Variants in ABTB2 observed in about 807,000 individuals in gnomAD.
ABTB2 encodes ankyrin repeat and BTB domain containing 2, also known as ankyrin repeat and BTB/POZ domain-containing protein 2.
A neutral mutation model predicts 104.1 loss-of-function variants in ABTB2; 56 were observed. The ratio of observed to expected loss-of-function variants is 0.54; its 90% CI spans 0.43 to 0.67. The LOEUF (loss-of-function observed/expected upper bound fraction) is 0.67, where lower values mean the gene tolerates loss of function less well. Among genes scored for constraint, ABTB2 ranks in the 30% least tolerant of loss-of-function variants. ABTB2 has a pLI of 0.00. For missense variants in ABTB2, 1,279 were observed against 1,407.7 expected (o/e 0.91, Z 1.46); for synonymous variants, 606 against 608.2 (o/e 1.00, Z 0.05).
chr11:34,200,148 T>G (rs910164091), intron 2 of ABTB2, among the ~76,000 whole-genome samples: 2 of 152,126 alleles, frequency 1.3e-5, no homozygotes, highest in Non-Finnish European at 2.9e-5. Flanking sequence ...CAGGTCTAAA[T>G]GTCATAACTT....
At chr11:34,350,871 G>C (rs902769423) in intron 1 of ABTB2, among the ~76,000 whole-genome samples, 1 of 152,292 alleles carries the variant, frequency 6.6e-6, no homozygotes, top group Admixed American at 6.5e-5. Context: ...AGTCATTATT[G>C]AGCTTAGTTA....
chr11:34,255,671 C>T (rs1406501759), intron 1 of ABTB2, among the ~76,000 whole-genome samples: 1 of 152,066 alleles, frequency 6.6e-6, no homozygotes, highest in Non-Finnish European at 1.5e-5. Flanking sequence ...GTACGTGCCA[C>T]CACACTTGGC....
At chr11:34,253,934 G>A (rs1018759258) in intron 1 of ABTB2, among the ~76,000 whole-genome samples, 3 of 152,118 alleles carry the variant, frequency 2.0e-5, no homozygotes, top group Non-Finnish European at 2.9e-5. Context: ...TCCTCCCTCA[G>A]TGAAGTTCGT....
intron 3 of ABTB2, among the ~76,000 whole-genome samples, chr11:34,183,637 G>A (rs542740308): frequency 6.6e-6 from 1 of 152,278 alleles, no homozygotes; most frequent in African/African-American, 2.4e-5. Context: ...CTACCTTAGT[G>A]CCTGCACAGC....
chr11:34,243,825 C>T (rs539312778), intron 1 of ABTB2, among the ~76,000 whole-genome samples: 2 of 152,228 alleles, frequency 1.3e-5, no homozygotes, highest in Admixed American at 6.5e-5. Context: ...GCAGACACAC[C>T]CCAGCCCTGG....
intron 1 of ABTB2, among the ~76,000 whole-genome samples, chr11:34,254,911 G>C (rs999640824): frequency 6.6e-6 from 1 of 152,038 alleles, no homozygotes; most frequent in South Asian, 2.1e-4. Context: ...GACCTCAAGT[G>C]ATCTGCCAGC....
At chr11:34,342,868 T>C (rs1321738328) in intron 1 of ABTB2, among the ~76,000 whole-genome samples, 2 of 152,214 alleles carry the variant, frequency 1.3e-5, no homozygotes, top group African/African-American at 4.8e-5. Flanking sequence ...ATCACAGTAT[T>C]CACTTCATTT....
intron 1 of ABTB2, among the ~76,000 whole-genome samples, chr11:34,310,206 T>C (rs1274099269): frequency 6.6e-6 from 1 of 152,172 alleles, no homozygotes; most frequent in Admixed American, 6.6e-5. Context: ...TGCAGATGAC[T>C]TTCAAATCCT....
chr11:34,229,480 CAAA>C (rs56906755), intron 1 of ABTB2, among the ~76,000 whole-genome samples: 6 of 86,322 alleles, frequency 7.0e-5, no homozygotes, highest in Non-Finnish European at 7.3e-5. Context: ...GACTCCATCT[CAAA>C]AAAAAAAAAA....
chr11:34,192,709 C>T (rs577172451), intron 3 of ABTB2, among the ~76,000 whole-genome samples: 1 of 152,356 alleles, frequency 6.6e-6, no homozygotes, highest in Admixed American at 6.5e-5. Flanking sequence ...TTCCCACTCT[C>T]TCTGCCTGGC....
chr11:34,188,565 T>C (rs996971891), intron 3 of ABTB2, among the ~76,000 whole-genome samples: 1 of 152,198 alleles, frequency 6.6e-6, no homozygotes, highest in Non-Finnish European at 1.5e-5. Flanking sequence ...ATTCACCCAA[T>C]AGCTATTCTT....
intron 1 of ABTB2, among the ~76,000 whole-genome samples, chr11:34,230,939 G>A (rs2133056853): frequency 6.6e-6 from 1 of 152,228 alleles, no homozygotes; most frequent in Middle Eastern, 3.4e-3. Flanking sequence ...TTGAACTCCT[G>A]GCTTCAGGCA....
intron 1 of ABTB2, among the ~76,000 whole-genome samples, chr11:34,305,483 G>A (rs766529301): frequency 6.6e-6 from 1 of 152,198 alleles, no homozygotes; most frequent in African/African-American, 2.4e-5. Flanking sequence ...TCAACGGGGC[G>A]ATTATTGAGG....
chr11:34,333,867 C>A (rs1855160224), intron 1 of ABTB2, among the ~76,000 whole-genome samples: 1 of 152,174 alleles, frequency 6.6e-6, no homozygotes, highest in Admixed American at 6.5e-5. Flanking sequence ...AACCTATGTT[C>A]TTGTCTCCTT....
At chr11:34,218,498 CATTT>C (rs1305879936) in intron 1 of ABTB2, among the ~76,000 whole-genome samples, 9 of 152,114 alleles carry the variant, frequency 5.9e-5, no homozygotes, top group African/African-American at 2.2e-4. Context: ...TCTGTGTCTA[CATTT>C]ATTTATTTAT....
chr11:34,203,974 C>T (rs2133040239), intron 2 of ABTB2, among the ~76,000 whole-genome samples: 1 of 152,284 alleles, frequency 6.6e-6, no homozygotes, highest in African/African-American at 2.4e-5. Flanking sequence ...GGGATTTCAT[C>T]TCTCCTAACA....
intron 1 of ABTB2, among the ~76,000 whole-genome samples, chr11:34,215,621 CTG>C (rs1232344566): frequency 6.6e-6 from 1 of 152,158 alleles, no homozygotes; most frequent in Non-Finnish European, 1.5e-5. Context: ...CACTTACTAG[CTG>C]TGTGACTCTG....
At position 34,356,958 on chromosome 11, in the gene ABTB2, C is replaced by A. The variant is rs776470631; in HGVS notation, c.626G>T (p.Arg209Leu). Residue 209 changes from arginine (R) to leucine (L), a missense_variant, in exon 1 of 17, where the codon CGC (arginine) becomes CTC (leucine). Physicochemically the swap from Arg to Leu is moderately radical, Grantham distance 102. Coordinates refer to ENST00000435224, the MANE Select transcript of ABTB2 (RefSeq NM_145804.3). This position sits in a 1 kb window ranked among gnomAD's most constrained non-coding sequence, Gnocchi z 4.6. ...GGTGTCCACCATCCAGCGGAAAAAG[C>A]GACCCACTGAGAAGGTGAGGCCGCA... Reference protein sequence around the residue: ...ARCGLTFSVGRFFRWMVDTRI... With the variant: ...ARCGLTFSVGLFFRWMVDTRI... 5 of 1,598,094 alleles carry A rather than the reference C, an allele frequency of 3.1e-6. No individual in the cohort carries two copies. Among genetic ancestry groups the A allele is most frequent in the Admixed American group, 3.5e-5 (2 of 57,286 alleles).
intron 1 of ABTB2, among the ~76,000 whole-genome samples, chr11:34,287,817 A>AT (rs1243780067): frequency 1.3e-5 from 2 of 151,688 alleles, no homozygotes; most frequent in South Asian, 2.1e-4. Context: ...TTTCCGTGGT[A>AT]TTTTTTTTCT....
Sources: allele counts gnomAD v4.1 joint callset (sites outside exome capture counted in the v4.1 genomes callset), GRCh38; gene constraint gnomAD v4.1.1; non-coding constraint Gnocchi (gnomAD v3.1); transcripts MANE v1.5; gene names NCBI Gene and HGNC (gene_info 2026-07-23, HGNC 2026-07-21).